The following SUGCT variants were observed in gnomAD, a reference collection of about 807,000 sequenced individuals.
SUGCT encodes succinyl-CoA:glutarate-CoA transferase, also known as succinyl-CoA:glutarate CoA-transferase.
SUGCT carries 41 observed loss-of-function variants against 55.0 expected under a neutral mutation model. That is an observed-to-expected ratio of 0.74 (90% CI 0.58 to 0.97). SUGCT has a LOEUF of 0.97. Ranked by LOEUF, SUGCT falls within the 50% of genes least tolerant of loss-of-function variation. The pLI, the probability that SUGCT is intolerant of heterozygous loss-of-function variation, is 0.00. For synonymous variants in SUGCT, 187 were observed against 200.4 expected (o/e 0.93, Z 0.56); for missense variants, 568 against 547.8 (o/e 1.04, Z -0.37).
the SUGCT span, among the ~76,000 whole-genome samples, chr7:40,898,348 G>A: frequency 6.6e-6 from 1 of 152,100 alleles, no homozygotes; most frequent in Non-Finnish European, 1.5e-5. Flanking sequence ...GAAGGTCTGC[G>A]GCTTCGCTCC....
intron 13 of SUGCT, among the ~76,000 whole-genome samples, chr7:40,857,277 T>G (rs979301910): frequency 2.6e-5 from 4 of 152,240 alleles, no homozygotes; most frequent in Non-Finnish European, 4.4e-5. Flanking sequence ...GTTTTCTTCA[T>G]GCAAACCTTA....
At position 40,665,076 on chromosome 7, in the gene SUGCT, T is replaced by C. The variant is rs1006856211; in HGVS notation, c.1090-84358T>C. Among the ~76,000 whole-genome samples, 6 of 152,246 alleles carry C rather than the reference T, an allele frequency of 3.9e-5. No homozygotes were observed. The East Asian group carries it at 1.2e-3, about 29-fold the overall frequency. ...TAATTATTTTACTAATGCTGTATTATTGAACACCCTGGGGAATATAGATAC... is the reference window on the plus strand; with the variant it reads ...TAATTATTTTACTAATGCTGTATTACTGAACACCCTGGGGAATATAGATAC... On this transcript the variant is annotated intron_variant, in intron 12 of 13. Transcript: ENST00000335693.
the SUGCT span, among the ~76,000 whole-genome samples, chr7:40,897,426 GACACACACACACACAC>G: frequency 2.3e-4 from 34 of 148,892 alleles, no homozygotes; most frequent in African/African-American, 7.7e-4. Context: ...AATAAAGCTG[GACACACACACACACAC>G]ACACACACAC....
chr7:40,387,813 T>C (rs959159800), intron 9 of SUGCT: 9 of 152,204 alleles, frequency 5.9e-5, no homozygotes, highest in Admixed American at 1.3e-4. Flanking sequence ...GTCCAGGCAC[T>C]ATGCTAAGTA....
At chr7:40,749,703 C>G (rs146993425) in intron 13 of SUGCT, among the ~76,000 whole-genome samples, 112 of 152,256 alleles carry the variant, frequency 7.4e-4, no homozygotes, top group Non-Finnish European at 1.3e-3. Context: ...TAAGGAGTGT[C>G]GGATTGCCAC....
chr7:40,938,491 T>C, the SUGCT span, among the ~76,000 whole-genome samples: 1 of 152,170 alleles, frequency 6.6e-6, no homozygotes, highest in Non-Finnish European at 1.5e-5. Flanking sequence ...AACTAATTAA[T>C]TTTTTAAAGA....
chr7:40,634,789 A>G (rs1340667340), intron 12 of SUGCT, among the ~76,000 whole-genome samples: 1 of 152,234 alleles, frequency 6.6e-6, no homozygotes, highest in Non-Finnish European at 1.5e-5. Flanking sequence ...TGAAAAGATA[A>G]AAAAGGAATG....
Position 40,135,114 on chromosome 7 carries a change from C to T in SUGCT, c.94C>T (p.Gln32Ter), listed in dbSNP as rs1275884668. Residue 32 changes from glutamine (Q) to a stop codon, truncating the protein, a stop_gained, in exon 1 of 14, where the codon CAG (glutamine) becomes TAG (stop). Transcript: ENST00000335693. LOFTEE classifies it high-confidence loss of function. ...GAGGGGGCTGTGGACTGGCCGCCCG[C>T]AGTCAGGTACCCTCCGAGATTCGGT... ...GGRGLWTGRP[Q>*]SDMNNIKPLE... The T allele has an allele frequency of 1.3e-6, 2 of 1,553,128 alleles. No individual in the cohort carries two copies. Among genetic ancestry groups the T allele is most frequent in the Non-Finnish European group, 1.7e-6 (2 of 1,149,590 alleles).
chr7:40,508,183 G>C (rs143218303), intron 12 of SUGCT, among the ~76,000 whole-genome samples: 4 of 152,292 alleles, frequency 2.6e-5, no homozygotes, highest in Admixed American at 6.5e-5. Flanking sequence ...GTGAGAACTA[G>C]AAGTGGTGGT....
chr7:40,591,073 G>A (rs891350188), intron 12 of SUGCT, among the ~76,000 whole-genome samples: 3 of 152,118 alleles, frequency 2.0e-5, no homozygotes, highest in Non-Finnish European at 2.9e-5. Context: ...ATTTCATAAG[G>A]TTGTGGCTGC....
chr7:40,274,156 C>A (rs1792307563), intron 7 of SUGCT, among the ~76,000 whole-genome samples: 1 of 133,308 alleles, frequency 7.5e-6, no homozygotes. Flanking sequence ...TTCTCCCCAA[C>A]AAATTAACTC....
At chr7:40,935,453 A>ATTAATTT in the SUGCT span, among the ~76,000 whole-genome samples, 2 of 152,088 alleles carry the variant, frequency 1.3e-5, no homozygotes, top group Non-Finnish European at 2.9e-5. Flanking sequence ...TCTAATTTTT[A>ATTAATTT]TGTTTATGGC....
At chr7:40,833,312 G>GT (rs962079690) in intron 13 of SUGCT, among the ~76,000 whole-genome samples, 1 of 142,958 alleles carries the variant, frequency 7.0e-6, no homozygotes, top group African/African-American at 2.6e-5. Flanking sequence ...TGCTTGGAAA[G>GT]TTTTTTCCCT....
the SUGCT span, among the ~76,000 whole-genome samples, chr7:40,919,297 C>T: frequency 6.6e-6 from 1 of 152,184 alleles, no homozygotes; most frequent in African/African-American, 2.4e-5. Context: ...CTCATCTTTC[C>T]CTAAAAGTAA....
the SUGCT span, among the ~76,000 whole-genome samples, chr7:40,887,640 A>G: frequency 6.6e-6 from 1 of 152,190 alleles, no homozygotes; most frequent in Non-Finnish European, 1.5e-5. Flanking sequence ...GATTTTGAGA[A>G]GTTCAAATAG....
chr7:40,189,295 T>A (rs1785741010), intron 4 of SUGCT, among the ~76,000 whole-genome samples: 1 of 151,730 alleles, frequency 6.6e-6, no homozygotes, highest in Non-Finnish European at 1.5e-5. Flanking sequence ...TGAGCCAAGA[T>A]TGCACCACTG....
At chr7:41,012,385 A>G in the SUGCT span, among the ~76,000 whole-genome samples, 1 of 152,140 alleles carries the variant, frequency 6.6e-6, no homozygotes, top group Admixed American at 6.5e-5. Flanking sequence ...CTGAGTTTCA[A>G]CCCAGCCTGC....
the SUGCT span, among the ~76,000 whole-genome samples, chr7:40,952,852 G>A: frequency 1.3e-4 from 20 of 152,170 alleles, no homozygotes; most frequent in African/African-American, 4.3e-4. Context: ...CCCTTTGTGG[G>A]TAACCCAACC....
rs538971926 is a variant in SUGCT, at chr7:40,602,385, C to A, written c.1089+105999C>A. The stretch of plus-strand genomic sequence containing the variant: ...CCCTGCTTCTGGTGAGCAAACACAG[C>A]AGCCCTGAGCCTTTACAGCCCTTCG... On this transcript the variant is annotated intron_variant, in intron 12 of 13. Transcript: ENST00000335693. Among the ~76,000 whole-genome samples, 23 of 152,330 alleles carry A rather than the reference C, an allele frequency of 1.5e-4. No homozygotes were observed. The South Asian group carries it at 3.9e-3, about 26-fold the overall frequency.
Sources: allele counts gnomAD v4.1 joint callset (sites outside exome capture counted in the v4.1 genomes callset), GRCh38; gene constraint gnomAD v4.1.1; transcripts MANE v1.5; gene names NCBI Gene and HGNC (gene_info 2026-07-23, HGNC 2026-07-21).